The following SH3RF3 variants were observed in gnomAD, a reference collection of about 807,000 sequenced individuals.
SH3RF3 encodes the protein E3 ubiquitin-protein ligase SH3RF3.
SH3RF3 carries 29 observed loss-of-function variants against 66.3 expected under a neutral mutation model. That is an observed-to-expected ratio of 0.44 (90% CI 0.33 to 0.60). SH3RF3 has a LOEUF of 0.60. SH3RF3 is among the 20% of genes least tolerant of loss of function. The probability of loss-of-function intolerance (pLI) is 0.04; values close to 1 mark genes in which losing one functional copy is unlikely to be tolerated. For missense variants in SH3RF3, 1,194 were observed against 1,190.9 expected (o/e 1.00, Z -0.04); for synonymous variants, 583 against 532.0 (o/e 1.10, Z -1.32).
chr2:109,352,186 A>G (rs1041197454), intron 2 of SH3RF3, among the ~76,000 whole-genome samples: 2 of 152,218 alleles, frequency 1.3e-5, no homozygotes, highest in Non-Finnish European at 2.9e-5. Flanking sequence ...AGGCATTCCA[A>G]TAAATATTTG....
chr2:109,266,240 TTGTGTGTGC>T (rs1558990920), intron 1 of SH3RF3, among the ~76,000 whole-genome samples: 4 of 151,092 alleles, frequency 2.6e-5, no homozygotes, highest in African/African-American at 9.7e-5. Flanking sequence ...ATTCAGTGTG[TTGTGTGTGC>T]TGTGTGTGTT....
intron 1 of SH3RF3, among the ~76,000 whole-genome samples, chr2:109,137,230 C>T (rs1676835341): frequency 6.6e-6 from 1 of 152,194 alleles, no homozygotes; most frequent in Non-Finnish European, 1.5e-5. Flanking sequence ...AGTGGGTTCT[C>T]ACCTCTTTTT....
intron 1 of SH3RF3, among the ~76,000 whole-genome samples, chr2:109,303,214 C>CT (rs2105401947): frequency 6.6e-6 from 1 of 152,300 alleles, no homozygotes; most frequent in Admixed American, 6.5e-5. Flanking sequence ...AGCCAAAGAA[C>CT]TTTGGGAGAG....
At chr2:109,207,000 T>G (rs1447748072) in intron 1 of SH3RF3, among the ~76,000 whole-genome samples, 1 of 152,184 alleles carries the variant, frequency 6.6e-6, no homozygotes, top group Non-Finnish European at 1.5e-5. Context: ...GGCTGAGCGC[T>G]GCATTTGCAG....
intron 4 of SH3RF3, among the ~76,000 whole-genome samples, chr2:109,414,939 G>A (rs952883263): frequency 3.9e-5 from 6 of 152,344 alleles, no homozygotes; most frequent in Admixed American, 1.3e-4. Context: ...TGTGGCAAAC[G>A]GGAAAAGACC....
chr2:109,292,874 A>G (rs1681220667), intron 1 of SH3RF3, among the ~76,000 whole-genome samples: 1 of 152,172 alleles, frequency 6.6e-6, no homozygotes, highest in Non-Finnish European at 1.5e-5. Flanking sequence ...TTGGGATTAC[A>G]GGTGTGCACC....
chr2:109,447,454 T>C (rs1677743075), intron 7 of SH3RF3, among the ~76,000 whole-genome samples: 1 of 152,214 alleles, frequency 6.6e-6, no homozygotes, highest in Admixed American at 6.5e-5. Context: ...ATGTATTTTC[T>C]TTCATGCTCT....
At chr2:109,162,433 C>CT (rs1447899738) in intron 1 of SH3RF3, among the ~76,000 whole-genome samples, 1 of 151,970 alleles carries the variant, frequency 6.6e-6, no homozygotes, top group African/African-American at 2.4e-5. Flanking sequence ...TTTTATTATA[C>CT]TTTAAGTTTT....
chr2:109,133,129 A>T (rs534455647), intron 1 of SH3RF3, among the ~76,000 whole-genome samples: 1 of 152,348 alleles, frequency 6.6e-6, no homozygotes, highest in Admixed American at 6.5e-5. Flanking sequence ...AGCTCTCAGA[A>T]GGTACCCGTG....
chr2:109,235,447 T>C (rs1467743629), intron 1 of SH3RF3, among the ~76,000 whole-genome samples: 1 of 152,138 alleles, frequency 6.6e-6, no homozygotes, highest in African/African-American at 2.4e-5. Context: ...ATCAGGTTAC[T>C]TTTGAGAGCA....
At chr2:109,230,988 A>G (rs897935113) in intron 1 of SH3RF3, among the ~76,000 whole-genome samples, 40 of 152,248 alleles carry the variant, frequency 2.6e-4, no homozygotes, top group African/African-American at 9.4e-4. Flanking sequence ...TGTGTAAGAC[A>G]AAAGTACACT....
At chr2:109,377,176 T>G (rs1683407761) in intron 3 of SH3RF3, among the ~76,000 whole-genome samples, 1 of 152,340 alleles carries the variant, frequency 6.6e-6, no homozygotes, top group African/African-American at 2.4e-5. Flanking sequence ...ATTGAGCAGC[T>G]TTTCAGGGGC....
At chr2:109,456,975 GAC>G (rs1386221340) in intron 8 of SH3RF3, among the ~76,000 whole-genome samples, 1 of 152,234 alleles carries the variant, frequency 6.6e-6, no homozygotes, top group Non-Finnish European at 1.5e-5. Context: ...GGAGGAGGAA[GAC>G]ACAGTGGATT....
intron 3 of SH3RF3, among the ~76,000 whole-genome samples, chr2:109,393,293 G>A (rs997822527): frequency 2.0e-5 from 3 of 152,226 alleles, no homozygotes; most frequent in Non-Finnish European, 4.4e-5. Context: ...CAGGGAGGGT[G>A]CTGCCATTGG....
In SH3RF3 at chr2:109,501,676, T is replaced by G. The variant is rs1573302058; in HGVS notation, c.*5T>G. 1 of 755,534 alleles carries G rather than the reference T, an allele frequency of 1.3e-6. No homozygotes were observed. Among genetic ancestry groups the G allele is most frequent in the East Asian group, 2.5e-5 (1 of 39,832 alleles). The allele number at this position is 755,534 out of a possible 1,614,324, so 46.8% of individuals were successfully genotyped here. The stretch of plus-strand genomic sequence containing the variant: ...AGCTTCGTCGAGAGCTTCTGAGAAC[T>G]GGTGCTCCCTGCACCCAGCTCACAG... On this transcript the variant is annotated 3_prime_UTR_variant, in exon 10 of 10. Transcript: ENST00000309415.
intron 1 of SH3RF3, among the ~76,000 whole-genome samples, chr2:109,325,720 A>G (rs1682138404): frequency 6.6e-6 from 1 of 152,176 alleles, no homozygotes; most frequent in African/African-American, 2.4e-5. Flanking sequence ...AGGCATCACT[A>G]CATGTTCCTT....
chr2:109,234,090 A>C (rs756264805), intron 1 of SH3RF3, among the ~76,000 whole-genome samples: 1 of 152,236 alleles, frequency 6.6e-6, no homozygotes, highest in Admixed American at 6.5e-5. Context: ...GAATTGCTGG[A>C]TCATAAGGTG....
At chr2:109,294,981 A>G (rs987454315) in intron 1 of SH3RF3, among the ~76,000 whole-genome samples, 4 of 152,238 alleles carry the variant, frequency 2.6e-5, no homozygotes, top group Non-Finnish European at 5.9e-5. Context: ...TTCAGGGCTC[A>G]TGGTAGCCAG....
chr2:109,246,334 TCTCA>T (rs1347076818), intron 1 of SH3RF3, among the ~76,000 whole-genome samples: 1 of 152,182 alleles, frequency 6.6e-6, no homozygotes, highest in Non-Finnish European at 1.5e-5. Context: ...GACGGTGCCT[TCTCA>T]CTGTGTCCTC....
Sources: gnomAD v4.1 joint callset for allele counts (sites outside exome capture counted in the v4.1 genomes callset) on GRCh38, gnomAD v4.1.1 for gene constraint, MANE v1.5 for transcripts, NCBI Gene and HGNC (gene_info 2026-07-23, HGNC 2026-07-21) for gene names.